C2: variants seen among roughly 807,000 people sequenced by gnomAD.
C2 encodes C3/C5 convertase.
A neutral mutation model predicts 85.2 loss-of-function variants in C2; 64 were observed. That is an observed-to-expected ratio of 0.75 (90% CI 0.61 to 0.92). C2 has a LOEUF of 0.92. Among genes scored for constraint, C2 ranks in the 40% least tolerant of loss-of-function variants. The pLI, the probability that C2 is intolerant of heterozygous loss-of-function variation, is 0.00. For missense variants in C2, 820 were observed against 971.6 expected (o/e 0.84, Z 2.07); for synonymous variants, 311 against 370.8 (o/e 0.84, Z 1.85).
At chr6:31,937,526 C>T in intron 8 of C2, 67 bp downstream of exon 8, 2 of 1,582,508 alleles carry the variant, frequency 1.3e-6, no homozygotes, top group Non-Finnish European at 1.7e-6. Context: ...GTCAGAAGCC[C>T]TGAATTCTGA....
chr6:31,923,136 G>C (rs1467024062), upstream of C2, among the ~76,000 whole-genome samples: 3 of 152,184 alleles, frequency 2.0e-5, no homozygotes, highest in African/African-American at 7.2e-5. Context: ...CCCTCATCTG[G>C]TGGGGTCTAC....
In C2 at chr6:31,937,362, CAG is replaced by C; in HGVS notation, c.1033_1034del (p.Ser345CysfsTer45). 1.2e-6 allele frequency: 2 copies of C among 1,612,804 alleles called. No homozygotes were observed. The highest frequency in any genetic ancestry group is 1.7e-6 in the Non-Finnish European group (2 of 1,179,938). ...GGACTAACACCTATGCGGCCTTAAA[CAG>C]TGTCTATCTCATGATGAACAACCAA... ...TGTNTYAALN[S>X]VYLMMNNQMR... On this transcript the variant is annotated frameshift_variant, in exon 8 of 18. Coordinates refer to ENST00000299367, the MANE Select transcript of C2 (RefSeq NM_000063.6). LOFTEE classifies it high-confidence loss of function.
chr6:31,943,094 T>A lies in C2; in HGVS notation c.1355T>A (p.Met452Lys). ...TKALHQVFEH[M>K]LDVSKLTDTI... ...GCTCTGCACCAGGTCTTTGAACATA[T>A]GCTGGGTGAGTGAGCTTTGCCCTCC... is the stretch of plus-strand genomic sequence containing the variant. The change falls in exon 10 of 18, where the codon ATG (methionine) becomes AAG (lysine). Residue 452 changes from methionine to lysine, a missense_variant. Met to Lys is a moderately conservative substitution (Grantham distance 95). Coordinates refer to ENST00000299367, the MANE Select transcript of C2 (RefSeq NM_000063.6). This position sits in a 1 kb window ranked among gnomAD's most constrained non-coding sequence, Gnocchi z 6.4. The A allele has an allele frequency of 6.2e-7, 1 of 1,613,018 alleles. No homozygotes were observed. Among genetic ancestry groups the A allele is most frequent in the South Asian group, 1.1e-5 (1 of 91,080 alleles).
rs1219717438 is a variant in C2, at chr6:31,943,291, A to T, written c.1427A>T (p.Glu476Val). 1 of 1,612,994 alleles carries T rather than the reference A, an allele frequency of 6.2e-7. No individual in the cohort carries two copies. The highest frequency in any genetic ancestry group is 1.7e-5 in the Admixed American group (1 of 60,026). ...ATGTCAGCAAACGCCTCTGACCAGGAGAGGACACCCTGGCATGTCACTATT... is the reference window on the plus strand; with the variant it reads ...ATGTCAGCAAACGCCTCTGACCAGGTGAGGACACCCTGGCATGTCACTATT... ...GNMSANASDQ[E>V]RTPWHVTIKP... Residue 476 changes from glutamate (E) to valine (V), a missense_variant, in exon 11 of 18, where the codon GAG (glutamate) becomes GTG (valine). Physicochemically the swap from Glu to Val is moderately radical, Grantham distance 121. Transcript: ENST00000299367. This position sits in a 1 kb window ranked among gnomAD's most constrained non-coding sequence, Gnocchi z 6.4.
rs778695362 is a variant in C2 at position 31,933,753 on chromosome 6, G to A, written c.586G>A (p.Val196Ile). 7 of 1,613,614 alleles carry A rather than the reference G, an allele frequency of 4.3e-6. No individual in the cohort carries two copies. In the African/African-American group the frequency reaches 6.7e-5, roughly 15 times the overall value. ...GGAGCGGGAGTGCCAGGGCAACGGG[G>A]TCTGGAGTGGAACGGAGCCCATCTG... ...SSERECQGNGVWSGTEPICRQ... is the reference protein window; with the variant it reads ...SSERECQGNGIWSGTEPICRQ... Residue 196 changes from valine to isoleucine, a missense_variant, in exon 4 of 18, where the codon GTC (valine) becomes ATC (isoleucine). Transcript: ENST00000299367.
In C2 at chr6:31,907,841, C is replaced by CTTTTTT. The variant is rs9281622; in HGVS notation, c.73+6719_73+6724dup. Among the ~76,000 whole-genome samples the CTTTTTT allele has an allele frequency of 5.2e-3, 356 of 67,962 alleles. 16 individuals are homozygous for CTTTTTT. The highest frequency in any genetic ancestry group is 0.019 in the East Asian group (35 of 1,844). 44.6% of individuals were successfully genotyped at this position (67,962 alleles called of 152,430 possible). ...TACAGGCGTGCGCTACCACTTCTGG[C>CTTTTTT]TTTTTTTTTTTTTTTTTTTTTTGAG... On this transcript the variant is annotated intron_variant, in intron 1 of 3. Transcript: ENST00000452202.
In C2 at chr6:31,943,096, C is replaced by T; in HGVS notation, c.1357C>T (p.Leu453=). The T allele has an allele frequency of 6.2e-7, 1 of 1,613,052 alleles. No individual in the cohort carries two copies. Among genetic ancestry groups the T allele is most frequent in the East Asian group, 2.2e-5 (1 of 44,888 alleles). Residue 453 remains leucine (L), a synonymous_variant, in exon 10 of 18, where the codon CTG becomes TTG. Transcript: ENST00000299367. This position sits in a 1 kb window ranked among gnomAD's most constrained non-coding sequence, Gnocchi z 6.4. The part of the protein sequence containing the change: ...KALHQVFEHM[L]DVSKLTDTIC... ...TCTGCACCAGGTCTTTGAACATATG[C>T]TGGGTGAGTGAGCTTTGCCCTCCTT...
At position 31,943,635 on chromosome 6, in the gene C2, C is replaced by T; in HGVS notation, c.1568-9C>T. 1 of 1,612,950 alleles carries T rather than the reference C, an allele frequency of 6.2e-7. No homozygotes were observed. The highest frequency in any genetic ancestry group is 8.5e-7 in the Non-Finnish European group (1 of 1,179,902). On this transcript the variant is annotated splice_polypyrimidine_tract_variant and intron_variant, in intron 12 of 17. Coordinates refer to ENST00000299367, the MANE Select transcript of C2 (RefSeq NM_000063.6). This position sits in a 1 kb window ranked among gnomAD's most constrained non-coding sequence, Gnocchi z 6.4. ...CCTGGTCTAGCCTAATCTAGTGTATCATTTCCAGGAGACCCCAAATCCCAG... is the reference window on the plus strand; with the variant it reads ...CCTGGTCTAGCCTAATCTAGTGTATTATTTCCAGGAGACCCCAAATCCCAG...
chr6:31,905,402 T>A (rs528817932), intron 1 of C2, among the ~76,000 whole-genome samples: 5 of 151,270 alleles, frequency 3.3e-5, no homozygotes, highest in African/African-American at 1.2e-4. Flanking sequence ...AGTGCCACTG[T>A]ACTCCAGCCT....
rs1768988904 is a variant in C2 at position 31,921,781 on chromosome 6, C to T, written c.-100+1755C>T. Among the ~76,000 whole-genome samples the T allele has an allele frequency of 2.0e-5, 3 of 152,134 alleles. No homozygotes were observed. The South Asian group carries it at 6.2e-4, about 32-fold the overall frequency. ...TTTAAGACTTAAAAATACTGTCTGG[C>T]ACTATGTCCTGCTAATATGAAGTCT... is the stretch of plus-strand genomic sequence containing the variant. On this transcript the variant is annotated intron_variant, in intron 1 of 3. Coordinates refer to the C2 transcript ENST00000413154. The surrounding 1 kb of genome is among the most constrained non-coding windows in gnomAD (Gnocchi z 4.6).
rs1036267405 is a variant in C2, at chr6:31,904,801, T to C, written c.73+3662T>C. On this transcript the variant is annotated intron_variant, in intron 1 of 3. Transcript: ENST00000452202. The surrounding 1 kb of genome is among the most constrained non-coding windows in gnomAD (Gnocchi z 4.4). ...TACTTTTCCTTTCTAGGAATGTAGATGGGACAGGGGGCCTAACTCAGCCCA... is the reference window on the plus strand; with the variant it reads ...TACTTTTCCTTTCTAGGAATGTAGACGGGACAGGGGGCCTAACTCAGCCCA... Among the ~76,000 whole-genome samples, 1 of 53,178 alleles carries C rather than the reference T, an allele frequency of 1.9e-5. No homozygotes were observed. The highest frequency in any genetic ancestry group is 1.5e-4 in the African/African-American group (1 of 6,816). The allele number at this position is 53,178 out of a possible 152,430, so 34.9% of individuals were successfully genotyped here.
Position 31,943,029 on chromosome 6 carries a change from G to A in C2, c.1290G>A (p.Lys430=). ...WRELNELGSK[K]DGERHAFILQ... is the part of the protein sequence containing the mutation. ...AACTGAATGAGCTAGGGTCCAAGAA[G>A]GATGGTGAGAGGCATGCCTTCATTC... The change falls in exon 10 of 18, where the codon AAG becomes AAA. Residue 430 remains lysine (K), a synonymous_variant. Transcript: ENST00000299367. This position sits in a 1 kb window ranked among gnomAD's most constrained non-coding sequence, Gnocchi z 6.4. 6.2e-7 allele frequency: 1 copy of A among 1,613,118 alleles called. No homozygotes were observed. Among genetic ancestry groups the A allele is most frequent in the South Asian group, 1.1e-5 (1 of 91,088 alleles).
chr6:31,902,152 C>A (rs1171221676), intron 1 of C2, among the ~76,000 whole-genome samples: 7 of 144,582 alleles, frequency 4.8e-5, no homozygotes, highest in Non-Finnish European at 9.1e-5. Flanking sequence ...AGCACCCCCA[C>A]GCGGTTAAAG....
chr6:31,916,823 C>T (rs374140592), upstream of C2, among the ~76,000 whole-genome samples: 11 of 129,450 alleles, frequency 8.5e-5, no homozygotes, highest in East Asian at 1.8e-3. Flanking sequence ...GCTGAGATAG[C>T]GCCACTGTAC....
rs1416712351 is a variant in C2, at chr6:31,921,804, T to A, written c.-100+1778T>A. ...GGCACTATGTCCTGCTAATATGAAG[T>A]CTTCCTCCCCCAGAAGCAGACCTGG... On this transcript the variant is annotated intron_variant, in intron 1 of 3. Coordinates refer to the C2 transcript ENST00000413154. This position sits in a 1 kb window ranked among gnomAD's most constrained non-coding sequence, Gnocchi z 4.6. 6.6e-6 allele frequency among the ~76,000 whole-genome samples: 1 copy of A among 152,132 alleles called. No individual in the cohort carries two copies.
intron 7 of C2, chr6:31,936,293 A>T (rs889422786): frequency 1.8e-6 from 1 of 555,990 alleles, no homozygotes; most frequent in Admixed American, 3.0e-5. Flanking sequence ...CAGGTCTTCA[A>T]TTCCTTCCAG....
At chr6:31,916,111 G>C (rs999849689), upstream of C2, among the ~76,000 whole-genome samples, 1 of 152,218 alleles carries the variant, frequency 6.6e-6, no homozygotes, top group African/African-American at 2.4e-5. Flanking sequence ...TTTATAGGGA[G>C]AGGAGGATGG....
upstream of C2, chr6:31,900,714 C>T (rs1419342025): frequency 6.2e-6 from 10 of 1,603,388 alleles, no homozygotes; most frequent in Admixed American, 1.5e-4. This position sits in a 1 kb window ranked among gnomAD's most constrained non-coding sequence, Gnocchi z 9.7. Flanking sequence ...TCATCCTCAT[C>T]CTCTTCCTCG....
upstream of C2, among the ~76,000 whole-genome samples, chr6:31,916,899 T>C (rs1165659725): frequency 1.5e-5 from 2 of 136,390 alleles, no homozygotes; most frequent in Admixed American, 7.7e-5. Context: ...AGGCTGGCTG[T>C]GGTGGCTCAT....
Sources: allele counts gnomAD v4.1 joint callset (sites outside exome capture counted in the v4.1 genomes callset), GRCh38; gene constraint gnomAD v4.1.1; non-coding constraint Gnocchi (gnomAD v3.1); transcripts MANE v1.5; gene names NCBI Gene and HGNC (gene_info 2026-07-23, HGNC 2026-07-21).